CYP39A1: variants seen among roughly 807,000 people sequenced by gnomAD.
CYP39A1 encodes 24-hydroxycholesterol 7-alpha-hydroxylase.
CYP39A1 carries 49 observed loss-of-function variants against 58.1 expected under a neutral mutation model. The ratio of observed to expected loss-of-function variants is 0.84; its 90% CI spans 0.67 to 1.07. The LOEUF is 1.07. CYP39A1 is among the 50% of genes least tolerant of loss of function. The pLI is 0.00. For synonymous variants in CYP39A1, 209 were observed against 187.6 expected (o/e 1.11, Z -0.93); for missense variants, 531 against 539.4 (o/e 0.98, Z 0.16).
At chr6:46,564,045 T>G (rs1241874456) in intron 10 of CYP39A1, among the ~76,000 whole-genome samples, 1 of 152,104 alleles carries the variant, frequency 6.6e-6, no homozygotes, top group Non-Finnish European at 1.5e-5. Flanking sequence ...GGTTAGGCAA[T>G]GATAATAGTC....
intron 7 of CYP39A1, among the ~76,000 whole-genome samples, chr6:46,607,157 C>G (rs892285105): frequency 6.6e-6 from 1 of 152,064 alleles, no homozygotes; most frequent in African/African-American, 2.4e-5. Flanking sequence ...GAATGAGAAA[C>G]ACACGGCCAC....
At chr6:46,586,732 G>C (rs1245086601) in intron 10 of CYP39A1, among the ~76,000 whole-genome samples, 9 of 152,048 alleles carry the variant, frequency 5.9e-5, no homozygotes, top group Non-Finnish European at 1.3e-4. Context: ...CAATGTCATA[G>C]TGAAAGAAAT....
At chr6:46,555,418 G>A (rs1398789056) in intron 10 of CYP39A1, among the ~76,000 whole-genome samples, 1 of 152,190 alleles carries the variant, frequency 6.6e-6, no homozygotes, top group Admixed American at 6.5e-5. Flanking sequence ...TTTGTATTAT[G>A]AGGCCTTAGC....
At chr6:46,642,522 C>T (rs1776406260) in intron 1 of CYP39A1, among the ~76,000 whole-genome samples, 1 of 151,794 alleles carries the variant, frequency 6.6e-6, no homozygotes, top group South Asian at 2.1e-4. Context: ...CATTTTATTG[C>T]CTATTTATAG....
intron 6 of CYP39A1, 90 bp downstream of exon 6, chr6:46,630,872 GT>G (rs2150579933): frequency 9.5e-7 from 1 of 1,050,552 alleles, no homozygotes; most frequent in East Asian, 2.4e-5. Context: ...TGAGTGATGA[GT>G]GGAAAAAAGA....
At chr6:46,631,544 C>T (rs1057489798) in intron 5 of CYP39A1, among the ~76,000 whole-genome samples, 2 of 152,194 alleles carry the variant, frequency 1.3e-5, no homozygotes, top group South Asian at 4.1e-4. Context: ...CCACACTGCT[C>T]TGGAATCCCT....
chr6:46,614,966 C>T (rs1774439780), intron 7 of CYP39A1, among the ~76,000 whole-genome samples: 1 of 152,104 alleles, frequency 6.6e-6, no homozygotes, highest in African/African-American at 2.4e-5. Flanking sequence ...GCAATACCTG[C>T]AGTTGCTTCC....
intron 10 of CYP39A1, among the ~76,000 whole-genome samples, chr6:46,555,454 CTAA>C (rs892036575): frequency 6.6e-6 from 1 of 152,196 alleles, no homozygotes; most frequent in African/African-American, 2.4e-5. Flanking sequence ...CTATTAGTAC[CTAA>C]TAATGTTAAC....
rs190445536 is a variant in CYP39A1, at chr6:46,564,413, C to T, written c.1251-10559G>A. 3.9e-5 allele frequency among the ~76,000 whole-genome samples: 6 copies of T among 152,010 alleles called. 1 individual carries two copies. Among genetic ancestry groups the T allele is most frequent in the Admixed American group, 2.0e-4 (3 of 15,252 alleles). On this transcript the variant is annotated intron_variant, in intron 10 of 11. Coordinates refer to ENST00000275016, the MANE Select transcript of CYP39A1 (RefSeq NM_016593.5). Reference sequence around the variant, plus strand: ...GTTTCACCATATTGGTCAGGCTGGTCGCAAACTCCTAACCTCAAGTGATCC... The same window carrying T: ...GTTTCACCATATTGGTCAGGCTGGTTGCAAACTCCTAACCTCAAGTGATCC...
At chr6:46,604,290 A>G (rs1773701141) in intron 7 of CYP39A1, among the ~76,000 whole-genome samples, 1 of 152,114 alleles carries the variant, frequency 6.6e-6, no homozygotes, top group Non-Finnish European at 1.5e-5. Flanking sequence ...CCATCTCCCC[A>G]ATACAATCAC....
At position 46,652,494 on chromosome 6, in the gene CYP39A1, G is replaced by C. The variant is rs768025149; in HGVS notation, c.89C>G (p.Pro30Arg). The change falls in exon 1 of 12, where the codon CCG becomes CGG. Residue 30 changes from proline to arginine, a missense_variant. By Grantham distance (103) the Pro-to-Arg change is moderately radical. Transcript: ENST00000275016. ...LLQRKNLRRPPCIKGWIPWIG... is the reference protein window; with the variant it reads ...LLQRKNLRRPRCIKGWIPWIG... ...CCAAGGAATCCAGCCCTTGATGCAC[G>C]GGGGTCTACGCAAATTCTTCCGCTG... 6.2e-7 allele frequency: 1 copy of C among 1,613,234 alleles called. No homozygotes were observed. The highest frequency in any genetic ancestry group is 8.5e-7 in the Non-Finnish European group (1 of 1,179,300).
At chr6:46,586,714 A>G (rs1464938626) in intron 10 of CYP39A1, among the ~76,000 whole-genome samples, 1 of 152,142 alleles carries the variant, frequency 6.6e-6, no homozygotes, top group Admixed American at 6.6e-5. Flanking sequence ...CCTAGCAAAT[A>G]TCCATGACAA....
intron 8 of CYP39A1, among the ~76,000 whole-genome samples, chr6:46,592,467 A>ACTAAGGAAAT (rs1187037418): frequency 2.6e-5 from 4 of 152,198 alleles, no homozygotes; most frequent in Non-Finnish European, 4.4e-5. Context: ...ATGAATTTAT[A>ACTAAGGAAAT]CTAAGGAAAT....
chr6:46,587,199 G>A, intron 9 of CYP39A1, 34 bp from the exon 10 acceptor site: 2 of 1,361,772 alleles, frequency 1.5e-6, no homozygotes, highest in Non-Finnish European at 2.1e-6. Context: ...TTCCAAATCA[G>A]CCTTATATAA....
At chr6:46,627,886 A>G (rs1775418637) in intron 6 of CYP39A1, among the ~76,000 whole-genome samples, 1 of 152,216 alleles carries the variant, frequency 6.6e-6, no homozygotes, top group African/African-American at 2.4e-5. Flanking sequence ...GTGCACCCAC[A>G]TTTGGGAAAG....
intron 1 of CYP39A1, among the ~76,000 whole-genome samples, chr6:46,643,312 C>A (rs1025729752): frequency 9.2e-5 from 14 of 152,164 alleles, no homozygotes; most frequent in African/African-American, 3.4e-4. Flanking sequence ...TATCTCAAGG[C>A]ATAATTTATG....
chr6:46,564,361 T>C (rs1771164765), intron 10 of CYP39A1, among the ~76,000 whole-genome samples: 1 of 151,694 alleles, frequency 6.6e-6, no homozygotes, highest in South Asian at 2.1e-4. Context: ...ACCCAAGTAA[T>C]TTTTTTGTAT....
chr6:46,557,941 AAAAAAAAAAAAAAG>A (rs1028577370), intron 10 of CYP39A1, among the ~76,000 whole-genome samples: 3 of 150,222 alleles, frequency 2.0e-5, no homozygotes, highest in East Asian at 2.0e-4. Flanking sequence ...CTCAAAAAAA[AAAAAAAAAAAAAAG>A]AAAAAAAGAA....
intron 1 of CYP39A1, among the ~76,000 whole-genome samples, chr6:46,651,337 C>T (rs1762675309): frequency 6.6e-6 from 1 of 152,144 alleles, no homozygotes; most frequent in Non-Finnish European, 1.5e-5. Flanking sequence ...TTGTATCCTC[C>T]TATGACAAAA....
Sources: allele counts gnomAD v4.1 joint callset (sites outside exome capture counted in the v4.1 genomes callset), GRCh38; gene constraint gnomAD v4.1.1; transcripts MANE v1.5; gene names NCBI Gene and HGNC (gene_info 2026-07-23, HGNC 2026-07-21).